Variants in UGGT2 observed in about 807,000 individuals in gnomAD.
The protein encoded by UGGT2 is UDP-glucose glycoprotein glucosyltransferase 2.
UGGT2 carries 180 observed loss-of-function variants against 192.1 expected under a neutral mutation model. That is an observed-to-expected ratio of 0.94 (90% CI 0.83 to 1.06). The LOEUF is 1.06. Among genes scored for constraint, UGGT2 ranks in the 50% least tolerant of loss-of-function variants. UGGT2 has a pLI of 0.00. For synonymous variants in UGGT2, 580 were observed against 591.0 expected (o/e 0.98, Z 0.27); for missense variants, 1,849 against 1,795.7 (o/e 1.03, Z -0.54).
chr13:95,943,163 G>A (rs1246526237), intron 15 of UGGT2, among the ~76,000 whole-genome samples: 2 of 151,928 alleles, frequency 1.3e-5, no homozygotes, highest in African/African-American at 4.8e-5. Context: ...ATCCTTCAAA[G>A]TCTCACCCAT....
intron 1 of UGGT2, among the ~76,000 whole-genome samples, chr13:96,041,454 T>A (rs1245545923): frequency 6.6e-6 from 1 of 152,164 alleles, no homozygotes; most frequent in Non-Finnish European, 1.5e-5. Context: ...AACCTCCAGC[T>A]GAACCTTGTA....
At position 95,944,173 on chromosome 13, in the gene UGGT2, T is replaced by C. The variant is rs1253078913; in HGVS notation, c.1677+2864A>G. ...TAATATTTTATTTAGGACTTTGGCA[T>C]ACATATTCTCAACAAAGAACAGCCT... On this transcript the variant is annotated intron_variant, in intron 15 of 38. Coordinates refer to ENST00000376747, the MANE Select transcript of UGGT2 (RefSeq NM_020121.4). 3.3e-5 allele frequency among the ~76,000 whole-genome samples: 5 copies of C among 152,164 alleles called. No individual in the cohort carries two copies. In the East Asian group the frequency reaches 9.6e-4, roughly 29 times the overall value.
intron 26 of UGGT2, among the ~76,000 whole-genome samples, chr13:95,886,189 T>C (rs2140208757): frequency 6.6e-6 from 1 of 152,244 alleles, no homozygotes; most frequent in East Asian, 1.9e-4. Flanking sequence ...GCTGAGGAAG[T>C]ATAGCAGTTA....
At chr13:95,874,716 G>GGGTC (rs1281449506) in intron 29 of UGGT2, among the ~76,000 whole-genome samples, 1 of 151,370 alleles carries the variant, frequency 6.6e-6, no homozygotes, top group Non-Finnish European at 1.5e-5. Context: ...TTTTGAGACA[G>GGGTC]GGTCTCACTC....
intron 22 of UGGT2, among the ~76,000 whole-genome samples, chr13:95,897,974 C>G (rs996964166): frequency 6.6e-6 from 1 of 152,066 alleles, no homozygotes; most frequent in East Asian, 1.9e-4. Context: ...CATCCTGCAG[C>G]CTTCCTCACC....
chr13:95,807,040 C>T (rs937419777), intron 38 of UGGT2, among the ~76,000 whole-genome samples: 1 of 152,168 alleles, frequency 6.6e-6, no homozygotes, highest in African/African-American at 2.4e-5. Context: ...TGAAAATCCA[C>T]ATATAACTTT....
At chr13:95,896,720 T>G (rs2047957110) in intron 22 of UGGT2, among the ~76,000 whole-genome samples, 1 of 152,166 alleles carries the variant, frequency 6.6e-6, no homozygotes, top group South Asian at 2.1e-4. Flanking sequence ...TTTCTGTGTC[T>G]TGGTTCTATT....
intron 30 of UGGT2, among the ~76,000 whole-genome samples, chr13:95,865,608 G>A (rs566512761): frequency 4.6e-5 from 7 of 152,310 alleles, no homozygotes; most frequent in African/African-American, 1.4e-4. Context: ...AGGCTGCAGT[G>A]AGCCAAGATC....
In UGGT2 at chr13:95,976,007, T is replaced by C. The variant is rs188793158; in HGVS notation, c.1093-3336A>G. ...TCTTCCAGTTAAAGTATACAATAAATTAATGTTAAGCATAATCACCCTATT... is the reference window on the plus strand; with the variant it reads ...TCTTCCAGTTAAAGTATACAATAAACTAATGTTAAGCATAATCACCCTATT... On this transcript the variant is annotated intron_variant, in intron 10 of 38. Transcript: ENST00000376747. Among the ~76,000 whole-genome samples, 204 of 152,242 alleles carry C rather than the reference T, an allele frequency of 1.3e-3. 4 individuals are homozygous for C. In the Middle Eastern group the frequency reaches 0.027, roughly 20 times the overall value.
chr13:95,902,280 C>A (rs2140289278), intron 21 of UGGT2, among the ~76,000 whole-genome samples: 1 of 152,166 alleles, frequency 6.6e-6, no homozygotes, highest in Middle Eastern at 3.4e-3. Flanking sequence ...TTGTCCTCGA[C>A]CCTTTAAAAG....
chr13:95,845,602 CT>C (rs1232400551), intron 36 of UGGT2, among the ~76,000 whole-genome samples: 3 of 151,870 alleles, frequency 2.0e-5, no homozygotes, highest in Non-Finnish European at 2.9e-5. Context: ...TCTGATCTCT[CT>C]TTCTTTTCCC....
At position 95,877,406 on chromosome 13, in the gene UGGT2, A is replaced by G. The variant is rs1200871144; in HGVS notation, c.3388-42T>C. ...AAAATAATCATTGAGTAATATGACT[A>G]AAAACCATCGAATTGCTCATGAATA... On this transcript the variant is annotated intron_variant, in intron 28 of 38. Transcript: ENST00000376747. 4.7e-6 allele frequency: 7 copies of G among 1,486,816 alleles called. No individual in the cohort carries two copies. In the African/African-American group the frequency reaches 7.0e-5, roughly 15 times the overall value. 92.1% of individuals were successfully genotyped at this position (1,486,816 alleles called of 1,614,324 possible).
chr13:95,849,847 TATTA>T (rs1406468892), intron 36 of UGGT2, among the ~76,000 whole-genome samples: 1 of 149,122 alleles, frequency 6.7e-6, no homozygotes, highest in Non-Finnish European at 1.5e-5. Flanking sequence ...ATTTTTTATA[TATTA>T]ATTTATACTT....
At chr13:96,051,706 T>C (rs1041268891) in intron 1 of UGGT2, among the ~76,000 whole-genome samples, 3 of 150,188 alleles carry the variant, frequency 2.0e-5, no homozygotes, top group Non-Finnish European at 4.4e-5. Context: ...AAAAGATATA[T>C]AAATGGCTAA....
At chr13:95,884,065 CAA>C (rs35937679) in intron 27 of UGGT2, among the ~76,000 whole-genome samples, 4 of 73,954 alleles carry the variant, frequency 5.4e-5, no homozygotes, top group Non-Finnish European at 1.0e-4. Context: ...GCTGTGAGGC[CAA>C]AAAAAAAAAA....
chr13:95,952,886 A>G (rs1268372924), intron 12 of UGGT2, among the ~76,000 whole-genome samples: 1 of 152,202 alleles, frequency 6.6e-6, no homozygotes, highest in African/African-American at 2.4e-5. Flanking sequence ...AATGTAAGAC[A>G]ACTATATAAA....
chr13:95,863,351 C>T (rs1890335043), intron 31 of UGGT2: 1 of 264,984 alleles, frequency 3.8e-6, no homozygotes, highest in African/African-American at 2.2e-5. Flanking sequence ...TCCTTTAAAA[C>T]AGATCTTTGC....
At chr13:95,915,501 A>G (rs2048653953) in intron 20 of UGGT2, among the ~76,000 whole-genome samples, 1 of 152,246 alleles carries the variant, frequency 6.6e-6, no homozygotes, top group Admixed American at 6.5e-5. Context: ...AGTCACTCAA[A>G]TACTTAGACA....
intron 17 of UGGT2, among the ~76,000 whole-genome samples, chr13:95,929,359 G>A (rs2049162111): frequency 6.6e-6 from 1 of 152,222 alleles, no homozygotes; most frequent in African/African-American, 2.4e-5. Flanking sequence ...GGTGTATCAT[G>A]TAATGCTGAA....
Sources: allele counts gnomAD v4.1 joint callset (sites outside exome capture counted in the v4.1 genomes callset), GRCh38; gene constraint gnomAD v4.1.1; transcripts MANE v1.5; gene names NCBI Gene and HGNC (gene_info 2026-07-23, HGNC 2026-07-21).